ADK: variants seen among roughly 807,000 people sequenced by gnomAD.
The protein encoded by ADK is N6,N6-dimethyladenosine kinase.
A neutral mutation model predicts 44.7 loss-of-function variants in ADK; 24 were observed. That is an observed-to-expected ratio of 0.54 (90% CI 0.39 to 0.76). The LOEUF (loss-of-function observed/expected upper bound fraction) is 0.76, where lower values mean the gene tolerates loss of function less well. ADK is among the 30% of genes least tolerant of loss of function. The probability of loss-of-function intolerance (pLI) is 0.00; values close to 1 mark genes in which losing one functional copy is unlikely to be tolerated. For synonymous variants in ADK, 128 were observed against 142.6 expected, an observed-to-expected ratio of 0.90 and a Z score of 0.73; for missense variants, 321 against 425.1, an observed-to-expected ratio of 0.76 and a Z score of 2.15.
intron 6 of ADK, among the ~76,000 whole-genome samples, chr10:74,457,802 G>A (rs1259243083): frequency 6.6e-6 from 1 of 152,174 alleles, no homozygotes; most frequent in African/African-American, 2.4e-5. Context: ...TCACTCATAA[G>A]TGGGGGTTGA....
chr10:74,323,977 A>G (rs1840915341), intron 4 of ADK, among the ~76,000 whole-genome samples: 1 of 151,960 alleles, frequency 6.6e-6, no homozygotes, highest in Non-Finnish European at 1.5e-5. Context: ...TTGGCCCCAG[A>G]CAGTCACTTA....
rs187156053 is a variant in ADK, at chr10:74,606,680, G to A, written c.877+6187G>A. Among the ~76,000 whole-genome samples the A allele has an allele frequency of 4.4e-4, 67 of 152,274 alleles. 1 individual carries two copies. In the East Asian group the frequency reaches 8.9e-3, roughly 20 times the overall value. Reference sequence around the variant, plus strand: ...TTATGTGGTCAATTTTAGAATAAGCGTGATGTGGTGCTGAGAAGAATGTAT... The same window carrying A: ...TTATGTGGTCAATTTTAGAATAAGCATGATGTGGTGCTGAGAAGAATGTAT... On this transcript the variant is annotated intron_variant, in intron 9 of 10. Coordinates refer to ENST00000539909, the MANE Select transcript of ADK (RefSeq NM_006721.4).
At chr10:74,335,548 A>C (rs1841376930) in intron 4 of ADK, among the ~76,000 whole-genome samples, 1 of 152,208 alleles carries the variant, frequency 6.6e-6, no homozygotes, top group South Asian at 2.1e-4. Flanking sequence ...TTATGAATAA[A>C]GCTGCTAAAA....
At chr10:74,530,900 G>C (rs1248134735) in intron 7 of ADK, among the ~76,000 whole-genome samples, 1 of 152,182 alleles carries the variant, frequency 6.6e-6, no homozygotes, top group Non-Finnish European at 1.5e-5. Flanking sequence ...ACTCCAGCCA[G>C]TGTGATTGAG....
intron 4 of ADK, 115 bp from the exon 5 acceptor site, chr10:74,394,026 T>C: frequency 9.3e-7 from 1 of 1,071,550 alleles, no homozygotes; most frequent in East Asian, 2.4e-5. Context: ...ATCCCATTCA[T>C]AACAGCTACA....
chr10:74,289,114 AAC>A (rs1847305950), intron 3 of ADK, among the ~76,000 whole-genome samples: 3 of 152,246 alleles, frequency 2.0e-5, no homozygotes, highest in Admixed American at 6.5e-5. Context: ...TTGCAATTCA[AAC>A]ATCCCACCAG....
At chr10:74,414,633 G>A (rs1340098166) in intron 6 of ADK, among the ~76,000 whole-genome samples, 2 of 152,128 alleles carry the variant, frequency 1.3e-5, no homozygotes, top group African/African-American at 4.8e-5. Context: ...CACTTGAGAA[G>A]CTGAGGCAGG....
intron 10 of ADK, among the ~76,000 whole-genome samples, chr10:74,697,943 T>C (rs1393238381): frequency 1.3e-5 from 2 of 152,216 alleles, no homozygotes; most frequent in Non-Finnish European, 2.9e-5. Flanking sequence ...CAGATACAAT[T>C]TGTCAATTTA....
chr10:74,293,092 G>C (rs952200863), intron 3 of ADK, among the ~76,000 whole-genome samples: 16 of 145,750 alleles, frequency 1.1e-4, no homozygotes, highest in Non-Finnish European at 2.4e-4. Context: ...ATTGAACCTG[G>C]AAGGTTGAGG....
intron 1 of ADK, among the ~76,000 whole-genome samples, chr10:74,162,495 G>T (rs181661750): frequency 1.8e-4 from 27 of 151,516 alleles, no homozygotes; most frequent in African/African-American, 6.5e-4. Flanking sequence ...TAAAGGATAA[G>T]AAAGGTACTC....
intron 10 of ADK, among the ~76,000 whole-genome samples, chr10:74,693,504 A>G (rs1287612890): frequency 6.6e-6 from 1 of 152,122 alleles, no homozygotes; most frequent in Non-Finnish European, 1.5e-5. Context: ...TTACCAAAAT[A>G]CTTGTTTTCA....
At chr10:74,198,536 A>G (rs959169510) in intron 1 of ADK, among the ~76,000 whole-genome samples, 3 of 152,220 alleles carry the variant, frequency 2.0e-5, no homozygotes, top group African/African-American at 7.2e-5. Context: ...TAGTTGCCAA[A>G]TGGTGAGAAT....
At chr10:74,295,102 G>A (rs747002566) in intron 3 of ADK, among the ~76,000 whole-genome samples, 6 of 151,610 alleles carry the variant, frequency 4.0e-5, no homozygotes, top group East Asian at 2.0e-4. Context: ...GGTGATCTGC[G>A]TGCCTCAGCC....
intron 1 of ADK, among the ~76,000 whole-genome samples, chr10:74,198,577 G>A (rs1012964095): frequency 6.6e-6 from 1 of 152,184 alleles, no homozygotes; most frequent in African/African-American, 2.4e-5. Context: ...CTGAAAGGGA[G>A]GGGGAATCAT....
chr10:74,552,556 A>G (rs2133785863), intron 7 of ADK, among the ~76,000 whole-genome samples: 1 of 152,128 alleles, frequency 6.6e-6, no homozygotes, highest in South Asian at 2.1e-4. Flanking sequence ...AAAGCATTGA[A>G]TTATACACTG....
intron 4 of ADK, among the ~76,000 whole-genome samples, chr10:74,355,026 T>C (rs1240350349): frequency 2.0e-5 from 3 of 152,210 alleles, no homozygotes; most frequent in East Asian, 1.9e-4. Context: ...TCAGTTTTTT[T>C]CCCCTTCTTC....
chr10:74,492,164 T>C (rs941639868), intron 6 of ADK, among the ~76,000 whole-genome samples: 1 of 152,172 alleles, frequency 6.6e-6, no homozygotes, highest in African/African-American at 2.4e-5. Context: ...ATAACCACAG[T>C]ATATTTATCC....
intron 9 of ADK, among the ~76,000 whole-genome samples, chr10:74,657,694 A>C (rs1448333807): frequency 6.6e-6 from 1 of 152,230 alleles, no homozygotes; most frequent in African/African-American, 2.4e-5. Flanking sequence ...AATAATTGTT[A>C]ATTGAGCACC....
intron 8 of ADK, among the ~76,000 whole-genome samples, chr10:74,591,977 G>A (rs1359179169): frequency 2.0e-5 from 3 of 151,296 alleles, no homozygotes; most frequent in Admixed American, 1.3e-4. Flanking sequence ...ATTCTCAGTG[G>A]CATTTTTTTT....
Sources: allele counts gnomAD v4.1 joint callset (sites outside exome capture counted in the v4.1 genomes callset), GRCh38; gene constraint gnomAD v4.1.1; transcripts MANE v1.5; gene names NCBI Gene and HGNC (gene_info 2026-07-23, HGNC 2026-07-21).